Variants in GNA11 observed in about 807,000 individuals in gnomAD.
GNA11 encodes G protein subunit alpha 11.
Under a neutral mutation model 38.2 loss-of-function variants are expected in GNA11, and 8 were observed. The ratio of observed to expected loss-of-function variants is 0.21; its 90% confidence interval spans 0.12 to 0.38. The LOEUF is 0.38. GNA11 is among the 10% of genes least tolerant of loss of function. GNA11 has a pLI of 1.00. For synonymous variants in GNA11, 211 were observed against 221.4 expected (o/e 0.95, Z 0.42); for missense variants, 268 against 516.3 (o/e 0.52, Z 4.66).
chr19:3,114,126 G>A (rs909573133), intron 3 of GNA11, among the ~76,000 whole-genome samples: 1 of 152,082 alleles, frequency 6.6e-6, no homozygotes, highest in African/African-American at 2.4e-5. Flanking sequence ...CCTGTCCCCC[G>A]CCCCTCCTGC....
intron 1 of GNA11, among the ~76,000 whole-genome samples, chr19:3,103,798 A>G (rs1913567540): frequency 2.0e-5 from 3 of 150,090 alleles, no homozygotes; most frequent in Admixed American, 2.0e-4. Flanking sequence ...CCGCCTCCTG[A>G]TTCACGCCAT....
chr19:3,111,619 G>T (rs1357078629), intron 2 of GNA11, among the ~76,000 whole-genome samples: 1 of 152,248 alleles, frequency 6.6e-6, no homozygotes, highest in Non-Finnish European at 1.5e-5. Context: ...GAGCTGCCGT[G>T]ACCGTCTGTG....
intron 4 of GNA11, chr19:3,118,317 G>A (rs951123564): frequency 2.0e-5 from 3 of 152,382 alleles, no homozygotes; most frequent in Admixed American, 2.0e-4. Context: ...CACGCCCGCA[G>A]ACATCGTCTG....
chr19:3,101,902 T>C lies in GNA11; in HGVS notation c.136+7115T>C, dbSNP rs369652395. On this transcript the variant is annotated intron_variant, in intron 1 of 6. Coordinates refer to ENST00000078429, the MANE Select transcript of GNA11 (RefSeq NM_002067.5). ...CAAGTCCAGGAGTTCGAGACCAGCCTGGGCAACATGACGAGACCCCTGTCT... is the reference window on the plus strand; with the variant it reads ...CAAGTCCAGGAGTTCGAGACCAGCCCGGGCAACATGACGAGACCCCTGTCT... Among the ~76,000 whole-genome samples the C allele has an allele frequency of 3.7e-4, 56 of 152,242 alleles. No homozygotes were observed. The East Asian group carries it at 5.0e-3, about 14-fold the overall frequency.
At chr19:3,113,856 C>T (rs1410322233) in intron 3 of GNA11, among the ~76,000 whole-genome samples, 4 of 152,178 alleles carry the variant, frequency 2.6e-5, no homozygotes, top group African/African-American at 7.2e-5. Context: ...CAACCTGGGC[C>T]GTCTCGCTCC....
intron 4 of GNA11, 43 bp downstream of exon 4, chr19:3,115,115 G>A (rs2145321362): frequency 6.3e-7 from 1 of 1,598,612 alleles, no homozygotes; most frequent in Non-Finnish European, 8.6e-7. Flanking sequence ...GCACTGAGAG[G>A]CTCATTTGCC....
chr19:3,110,920 C>T lies in GNA11; in HGVS notation c.321+587C>T, dbSNP rs116873110. Among the ~76,000 whole-genome samples the T allele has an allele frequency of 3.8e-4, 58 of 152,282 alleles. No homozygotes were observed. The East Asian group carries it at 8.5e-3, about 22-fold the overall frequency. Reference sequence around the variant, plus strand: ...CTCAGGTGATCCCACCACAGCCTCCCGGGTAGCTGGGACTGCAGGTGCATC... The same window carrying T: ...CTCAGGTGATCCCACCACAGCCTCCTGGGTAGCTGGGACTGCAGGTGCATC... On this transcript the variant is annotated intron_variant, in intron 2 of 6. Transcript: ENST00000078429. The surrounding 1 kb of genome is among the most constrained non-coding windows in gnomAD (Gnocchi z 5.4).
intron 1 of GNA11, among the ~76,000 whole-genome samples, chr19:3,106,308 A>G (rs308055): frequency 0.73 from 111,119 of 152,122 alleles, 41,743 homozygotes; most frequent in Non-Finnish European, 0.84. Flanking sequence ...CAGCTCCAAG[A>G]CGCTGTGTGA....
rs769744132 is a variant in GNA11, at chr19:3,113,413, G to T, written c.405G>T (p.Leu135=). 6.2e-7 allele frequency: 1 copy of T among 1,613,258 alleles called. No individual in the cohort carries two copies. Among genetic ancestry groups the T allele is most frequent in the South Asian group, 1.1e-5 (1 of 91,050 alleles). Residue 135 remains leucine (L), a synonymous_variant, in exon 3 of 7, where the codon CTG becomes CTT. Coordinates refer to ENST00000078429, the MANE Select transcript of GNA11 (RefSeq NM_002067.5). ...AGTACGTCAGTGCCATCAAGACCCT[G>T]TGGGAGGACCCGGGCATCCAGGAAT... is the stretch of plus-strand genomic sequence containing the variant. ...EHQYVSAIKT[L]WEDPGIQECY...
intron 1 of GNA11, among the ~76,000 whole-genome samples, chr19:3,102,514 G>A (rs1305841722): frequency 6.6e-6 from 1 of 152,224 alleles, no homozygotes; most frequent in Non-Finnish European, 1.5e-5. Context: ...TGGAGCAGAA[G>A]AGCACGTCCT....
chr19:3,116,980 G>A (rs564472966), intron 4 of GNA11, among the ~76,000 whole-genome samples: 1 of 152,252 alleles, frequency 6.6e-6, no homozygotes, highest in South Asian at 2.1e-4. Flanking sequence ...GCGCAGGCAG[G>A]GAGGATGCGG....
In GNA11 at chr19:3,123,733, A is replaced by G. The variant is rs1010373860; in HGVS notation, c.*2554A>G. 1.3e-5 allele frequency: 3 copies of G among 232,704 alleles called. No individual in the cohort carries two copies. Among genetic ancestry groups the G allele is most frequent in the Admixed American group, 5.6e-5 (1 of 17,770 alleles). 14.4% of individuals were successfully genotyped at this position (232,704 alleles called of 1,614,324 possible). ...GCGGACGGGACCCAGTGATACTTGT[A>G]TATTACACAGTCCTGATTTCAGACA... On this transcript the variant is annotated 3_prime_UTR_variant, in exon 7 of 7. Transcript: ENST00000078429.
chr19:3,099,987 C>T (rs1054864304), intron 1 of GNA11, among the ~76,000 whole-genome samples: 3 of 151,322 alleles, frequency 2.0e-5, no homozygotes, highest in Admixed American at 6.6e-5. Context: ...CCCATCCTGC[C>T]GCACGTGGGG....
rs532292237 is a variant in GNA11, at chr19:3,108,992, A to C, written c.137-1157A>C. Among the ~76,000 whole-genome samples the C allele has an allele frequency of 5.1e-4, 78 of 152,184 alleles. No homozygotes were observed. The highest frequency in any genetic ancestry group is 8.2e-4 in the Non-Finnish European group (56 of 68,028). On this transcript the variant is annotated intron_variant, in intron 1 of 6. Transcript: ENST00000078429. The surrounding 1 kb of genome is among the most constrained non-coding windows in gnomAD (Gnocchi z 4.5). ...GAGCCCCTGACCCGAGACTGAGGGC[A>C]AGGAGGAAGGCCTGTGCCTTTTGTG...
At chr19:3,096,162 C>T (rs1913359115) in intron 1 of GNA11, among the ~76,000 whole-genome samples, 1 of 152,180 alleles carries the variant, frequency 6.6e-6, no homozygotes, top group Non-Finnish European at 1.5e-5. Flanking sequence ...TGCCGTGAGC[C>T]TCTTAGGGCC....
intron 1 of GNA11, among the ~76,000 whole-genome samples, chr19:3,105,582 C>T (rs558320295): frequency 2.7e-4 from 41 of 152,206 alleles, no homozygotes; most frequent in African/African-American, 8.4e-4. Flanking sequence ...AGCTCCGTGG[C>T]GGAAGAAGCT....
chr19:3,102,006 G>A (rs1913518204), intron 1 of GNA11, among the ~76,000 whole-genome samples: 1 of 152,146 alleles, frequency 6.6e-6, no homozygotes, highest in Non-Finnish European at 1.5e-5. Flanking sequence ...TAAGGTGGGA[G>A]GATCACTTGA....
chr19:3,110,219 G>A lies in GNA11; in HGVS notation c.207G>A (p.Glu69=), dbSNP rs2145315551. The change falls in exon 2 of 7, where the codon GAG becomes GAA. Residue 69 remains glutamate (E), a synonymous_variant. Coordinates refer to ENST00000078429, the MANE Select transcript of GNA11 (RefSeq NM_002067.5). This position sits in a 1 kb window ranked among gnomAD's most constrained non-coding sequence, Gnocchi z 5.4. The stretch of plus-strand genomic sequence containing the variant: ...TCATCCACGGCGCCGGCTACTCGGA[G>A]GAGGACAAGCGCGGCTTCACCAAGC... ...MRIIHGAGYS[E]EDKRGFTKLV... 6.2e-7 allele frequency: 1 copy of A among 1,613,910 alleles called. No individual in the cohort carries two copies. Among genetic ancestry groups the A allele is most frequent in the Non-Finnish European group, 8.5e-7 (1 of 1,179,892 alleles).
rs1914126015 is a variant in GNA11 at position 3,123,063 on chromosome 19, G to A, written c.*1884G>A. 2 of 233,378 alleles carry A rather than the reference G, an allele frequency of 8.6e-6. No individual in the cohort carries two copies. The highest frequency in any genetic ancestry group is 6.0e-5 in the East Asian group (1 of 16,580). The allele number at this position is 233,378 out of a possible 1,614,324, so 14.5% of individuals were successfully genotyped here. A position where few individuals can be genotyped will look rare whatever the true frequency, so the allele number is the denominator to read the frequency against. On this transcript the variant is annotated 3_prime_UTR_variant, in exon 7 of 7. Coordinates refer to ENST00000078429, the MANE Select transcript of GNA11 (RefSeq NM_002067.5). ...CCCCCCATGGCGAGTGCTGGGGCCC[G>A]GCGGTGCCCTGGGGGAGCAGATGGG...
Sources: allele counts gnomAD v4.1 joint callset (sites outside exome capture counted in the v4.1 genomes callset), GRCh38; gene constraint gnomAD v4.1.1; non-coding constraint Gnocchi (gnomAD v3.1); transcripts MANE v1.5; gene names NCBI Gene and HGNC (gene_info 2026-07-23, HGNC 2026-07-21).